Variants in DOCK8 observed in about 807,000 individuals in gnomAD.
DOCK8 encodes dedicator of cytokinesis protein 8.
DOCK8 carries 141 observed loss-of-function variants against 245.6 expected under a neutral mutation model. The observed-to-expected ratio is 0.57, with a 90% CI of 0.50 to 0.66. The LOEUF (loss-of-function observed/expected upper bound fraction) is 0.66, where lower values mean the gene tolerates loss of function less well. Among genes scored for constraint, DOCK8 ranks in the 30% least tolerant of loss-of-function variants. The pLI is 0.00. For missense variants in DOCK8, 2,965 were observed against 2,603.4 expected (o/e 1.14, Z -3.02); for synonymous variants, 1,168 against 970.2 (o/e 1.20, Z -3.79).
chr9:420,101 G>A (rs1319093932), intron 30 of DOCK8: 1 of 456,020 alleles, frequency 2.2e-6, no homozygotes, highest in Non-Finnish European at 4.1e-6. Flanking sequence ...AAGGCCCAGG[G>A]GTGATCACCA....
Position 289,534 on chromosome 9 carries a change from G to C in DOCK8, c.357G>C (p.Arg119Ser). The change falls in exon 4 of 48, where the codon AGG becomes AGC. Residue 119 changes from arginine to serine, a missense_variant. By Grantham distance (110) the Arg-to-Ser change is moderately radical. Coordinates refer to ENST00000432829, the MANE Select transcript of DOCK8 (RefSeq NM_203447.4). The stretch of plus-strand genomic sequence containing the variant: ...GGGTTGAACTGGACCCTCATGTCAG[G>C]GACTGTGTTCAGACCTACATCCGTG... ...EEGVELDPHV[R>S]DCVQTYIREW... 1 of 1,613,500 alleles carries C rather than the reference G, an allele frequency of 6.2e-7. No individual in the cohort carries two copies. The highest frequency in any genetic ancestry group is 8.5e-7 in the Non-Finnish European group (1 of 1,179,676).
At chr9:365,483 T>A (rs1396035685) in intron 14 of DOCK8, 1 of 415,888 alleles carries the variant, frequency 2.4e-6, no homozygotes, top group Non-Finnish European at 4.7e-6. Flanking sequence ...TCAAAAATCA[T>A]GCCTTTAGAA....
At chr9:395,397 G>T (rs1224567722) in intron 24 of DOCK8, among the ~76,000 whole-genome samples, 2 of 152,182 alleles carry the variant, frequency 1.3e-5, no homozygotes, top group East Asian at 3.9e-4. Context: ...TGCCAGTGCT[G>T]CATGCATCCT....
At chr9:328,217 T>C in intron 9 of DOCK8, 46 bp downstream of exon 9, 3 of 1,585,026 alleles carry the variant, frequency 1.9e-6, no homozygotes, top group South Asian at 2.3e-5. Context: ...TTTTCATTGC[T>C]GTGTTGTTCC....
chr9:221,581 G>T (rs778282620), intron 1 of DOCK8, among the ~76,000 whole-genome samples: 4 of 151,964 alleles, frequency 2.6e-5, no homozygotes, highest in Admixed American at 2.6e-4. Flanking sequence ...GGAGGCCAAG[G>T]TGAGTGGATC....
At chr9:383,926 G>T (rs2053836438) in intron 22 of DOCK8, among the ~76,000 whole-genome samples, 1 of 151,886 alleles carries the variant, frequency 6.6e-6, no homozygotes, top group African/African-American at 2.4e-5. Flanking sequence ...ACATTCAAAT[G>T]GTACTTTTGG....
At chr9:376,928 G>A in intron 19 of DOCK8, 49 bp from the exon 20 acceptor site, 1 of 1,517,460 alleles carries the variant, frequency 6.6e-7, no homozygotes, top group Non-Finnish European at 9.1e-7. Context: ...ATCCACTGGT[G>A]AACATTGATG....
Position 446,324 on chromosome 9 carries a change from T to G in DOCK8, c.5581-46T>G, listed in dbSNP as rs781266633. On this transcript the variant is annotated intron_variant, in intron 43 of 47. Transcript: ENST00000432829. ...CCCTCCATTGCGTCAGGGATGGCCGTTTGCAGAATAGCTCATCTTCTCCCT... is the reference window on the plus strand; with the variant it reads ...CCCTCCATTGCGTCAGGGATGGCCGGTTGCAGAATAGCTCATCTTCTCCCT... 2.6e-6 allele frequency: 4 copies of G among 1,538,532 alleles called. No individual in the cohort carries two copies. The African/African-American group carries it at 5.4e-5, about 21-fold the overall frequency.
chr9:261,624 CTG>C (rs1392557561), intron 1 of DOCK8, among the ~76,000 whole-genome samples: 1 of 152,078 alleles, frequency 6.6e-6, no homozygotes, highest in African/African-American at 2.4e-5. Flanking sequence ...TAGCACAAGT[CTG>C]TTTATCATGT....
At chr9:334,016 G>A (rs10813812) in intron 10 of DOCK8, among the ~76,000 whole-genome samples, 14 of 148,386 alleles carry the variant, frequency 9.4e-5, no homozygotes, top group African/African-American at 7.4e-5. Flanking sequence ...TAAACTCCTC[G>A]TTTTTTAATC....
chr9:247,798 A>G (rs1022289864), intron 1 of DOCK8, among the ~76,000 whole-genome samples: 1 of 152,028 alleles, frequency 6.6e-6, no homozygotes, highest in African/African-American at 2.4e-5. Flanking sequence ...CGGCCTCCCA[A>G]AGTGCTGGGA....
At chr9:216,213 G>C (rs1226623111) in intron 1 of DOCK8, among the ~76,000 whole-genome samples, 2 of 151,944 alleles carry the variant, frequency 1.3e-5, no homozygotes, top group Non-Finnish European at 2.9e-5. Context: ...TATTAATGTT[G>C]GAGGCCAAAA....
chr9:411,941 A>G (rs1328850939), intron 28 of DOCK8, among the ~76,000 whole-genome samples: 1 of 152,218 alleles, frequency 6.6e-6, no homozygotes, highest in Non-Finnish European at 1.5e-5. Flanking sequence ...AACTTCCTCA[A>G]CTTGACTTAA....
intron 4 of DOCK8, among the ~76,000 whole-genome samples, chr9:301,996 A>T (rs1203211208): frequency 6.6e-6 from 1 of 152,112 alleles, no homozygotes; most frequent in Non-Finnish European, 1.5e-5. Context: ...TAAAAAAAAA[A>T]ACCTATTCCA....
intron 4 of DOCK8, among the ~76,000 whole-genome samples, chr9:301,918 G>A (rs180896886): frequency 2.3e-3 from 342 of 151,980 alleles, no homozygotes; most frequent in African/African-American, 7.9e-3. Flanking sequence ...CAGCCATAGT[G>A]CCCAAAGAGA....
chr9:439,159 T>G, intron 39 of DOCK8, 86 bp from the exon 40 acceptor site: 3 of 1,562,226 alleles, frequency 1.9e-6, no homozygotes, highest in Non-Finnish European at 2.6e-6. Context: ...GCACACCAGC[T>G]TCCTCGTTTC....
chr9:233,726 C>T (rs2047177058), intron 1 of DOCK8, among the ~76,000 whole-genome samples: 1 of 151,920 alleles, frequency 6.6e-6, no homozygotes, highest in Non-Finnish European at 1.5e-5. Context: ...CAACCCCTGC[C>T]TTTTTTTGTT....
At chr9:421,154 A>G (rs1490192729) in intron 32 of DOCK8, 76 bp downstream of exon 32, 26 of 1,568,404 alleles carry the variant, frequency 1.7e-5, no homozygotes, top group Middle Eastern at 2.2e-4. Flanking sequence ...TCCTCCCAAC[A>G]TGATTAGACA....
Position 395,225 on chromosome 9 carries a change from C to G in DOCK8, c.2971-1560C>G, listed in dbSNP as rs1331105416. The stretch of plus-strand genomic sequence containing the variant: ...AGAGGATGCCGCCATGAGGAGAAAC[C>G]ATGGTTTCTCTACTGAGCTTTAGGG... On this transcript the variant is annotated intron_variant, in intron 24 of 47. Coordinates refer to ENST00000432829, the MANE Select transcript of DOCK8 (RefSeq NM_203447.4). Among the ~76,000 whole-genome samples, 9 of 152,136 alleles carry G rather than the reference C, an allele frequency of 5.9e-5. 1 individual carries two copies. The highest frequency in any genetic ancestry group is 5.9e-4 in the Admixed American group (9 of 15,284).
Sources: gnomAD v4.1 joint callset for allele counts (sites outside exome capture counted in the v4.1 genomes callset) on GRCh38, gnomAD v4.1.1 for gene constraint, MANE v1.5 for transcripts, NCBI Gene and HGNC (gene_info 2026-07-23, HGNC 2026-07-21) for gene names.